Variants in P3H1 observed in about 807,000 individuals in gnomAD.
P3H1 encodes the protein prolyl 3-hydroxylase 1.
In P3H1, 69 loss-of-function variants were observed where a neutral mutation model predicts 84.0. The ratio of observed to expected loss-of-function variants is 0.82; its 90% CI spans 0.68 to 1.00. The LOEUF (loss-of-function observed/expected upper bound fraction) is 1.00, where lower values mean the gene tolerates loss of function less well. P3H1 is among the 50% of genes least tolerant of loss of function. P3H1 has a pLI of 0.00. For synonymous variants in P3H1, 366 were observed against 388.8 expected (o/e 0.94, Z 0.69); for missense variants, 878 against 962.8 (o/e 0.91, Z 1.17).
intron 1 of P3H1, among the ~76,000 whole-genome samples, chr1:42,762,918 CCT>C (rs1248550803): frequency 7.2e-5 from 11 of 151,854 alleles, no homozygotes; most frequent in Non-Finnish European, 1.5e-4. Flanking sequence ...ATGGTGAAAC[CCT>C]GTCTTTACGA....
At position 42,754,695 on chromosome 1, in the gene P3H1, A is replaced by G. The variant is rs1022456033; in HGVS notation, c.1345+174T>C. 3.9e-5 allele frequency among the ~76,000 whole-genome samples: 6 copies of G among 152,092 alleles called. No homozygotes were observed. The highest frequency in any genetic ancestry group is 1.4e-4 in the African/African-American group (6 of 41,410). On this transcript the variant is annotated intron_variant, in intron 8 of 14. Coordinates refer to ENST00000296388, the MANE Select transcript of P3H1 (RefSeq NM_022356.4). This position sits in a 1 kb window ranked among gnomAD's most constrained non-coding sequence, Gnocchi z 4.0. Reference sequence around the variant, plus strand: ...AAGGCTGATTCTCAGTGCTCTTTCCAGCTGAAAGTCCCGCTGGTGAGTTAG... The same window carrying G: ...AAGGCTGATTCTCAGTGCTCTTTCCGGCTGAAAGTCCCGCTGGTGAGTTAG...
chr1:42,749,561 A>G (rs1471731826), intron 11 of P3H1, among the ~76,000 whole-genome samples: 1 of 152,242 alleles, frequency 6.6e-6, no homozygotes, highest in African/African-American at 2.4e-5. Flanking sequence ...AATCTGCCAC[A>G]TAGCTATGGT....
chr1:42,759,362 T>C lies in P3H1; in HGVS notation c.647A>G (p.Tyr216Cys), dbSNP rs544958131. Reference sequence around the variant, plus strand: ...AGCTTCCTGTGGCTGTTCCTCTGAGTAGAGTCGCACTCCCAGTCGAAATTC... The same window carrying C: ...AGCTTCCTGTGGCTGTTCCTCTGAGCAGAGTCGCACTCCCAGTCGAAATTC... Reference protein sequence around the residue: ...MQEFRLGVRLYSEEQPQEAVP... With the variant: ...MQEFRLGVRLCSEEQPQEAVP... Residue 216 changes from tyrosine (Y) to cysteine (C), a missense_variant, in exon 3 of 15, where the codon TAC becomes TGC. Physicochemically the swap from Tyr to Cys is radical, Grantham distance 194. Transcript: ENST00000296388. 8.7e-6 allele frequency: 14 copies of C among 1,614,004 alleles called. No individual in the cohort carries two copies. In the African/African-American group the frequency reaches 1.7e-4, roughly 20 times the overall value.
intron 6 of P3H1, 94 bp from the exon 7 acceptor site, chr1:42,755,311 A>G: frequency 8.1e-7 from 1 of 1,230,344 alleles, no homozygotes; most frequent in Non-Finnish European, 1.2e-6. Flanking sequence ...GGAGTAATCC[A>G]GCTTATCACC....
At chr1:42,752,161 AG>A (rs1652134959) in intron 10 of P3H1, 112 bp downstream of exon 10, 2 of 857,936 alleles carry the variant, frequency 2.3e-6, no homozygotes, top group East Asian at 4.8e-5. Flanking sequence ...GAATGTTGGC[AG>A]GTGGACCCTC....
At chr1:42,747,634 T>TG in intron 13 of P3H1, 89 bp downstream of exon 13, 1 of 1,429,144 alleles carries the variant, frequency 7.0e-7, no homozygotes, top group South Asian at 1.1e-5. Flanking sequence ...GAAGCCCAGT[T>TG]GGTTATTTTT....
rs577059613 is a variant in P3H1, at chr1:42,750,280, C to A, written c.1626G>T (p.Thr542=). ...LQSAHLYYNV[T]EKVRRIMESY... ...ACTCCATGATGCGCCGCACCTTCTC[C>A]GTCACGTTGTAGTACAGGTGGGCAC... The change falls in exon 11 of 15, where the codon ACG becomes ACT. Residue 542 remains threonine, a synonymous_variant. Transcript: ENST00000296388. The A allele has an allele frequency of 6.2e-7, 1 of 1,614,054 alleles. No homozygotes were observed. Among genetic ancestry groups the A allele is most frequent in the South Asian group, 1.1e-5 (1 of 91,038 alleles).
chr1:42,748,121 G>A (rs886448289), intron 12 of P3H1, 79 bp downstream of exon 12: 2 of 1,004,716 alleles, frequency 2.0e-6, no homozygotes, highest in African/African-American at 1.6e-5. Context: ...GTGCTAGGGT[G>A]GGGTAGTAGA....
rs1652175314 is a variant in P3H1 at position 42,752,609 on chromosome 1, A to G, written c.1401T>C (p.Asn467=). Reference sequence around the variant, plus strand: ...CGTCCATCACCACCCGCTGGGAACCATTCAGGAGTTTGGAGTTCATGGTGA... The same window carrying G: ...CGTCCATCACCACCCGCTGGGAACCGTTCAGGAGTTTGGAGTTCATGGTGA... ...ISLTMNSKLL[N]GSQRVVMDGV... The change falls in exon 9 of 15, where the codon AAT becomes AAC. Residue 467 remains asparagine (N), a synonymous_variant. Coordinates refer to ENST00000296388, the MANE Select transcript of P3H1 (RefSeq NM_022356.4). The G allele has an allele frequency of 1.2e-6, 2 of 1,614,086 alleles. No individual in the cohort carries two copies. The highest frequency in any genetic ancestry group is 2.7e-5 in the African/African-American group (2 of 74,922).
In P3H1 at chr1:42,759,313, C is replaced by A; in HGVS notation, c.696G>T (p.Leu232=). 1 of 1,614,178 alleles carries A rather than the reference C, an allele frequency of 6.2e-7. No homozygotes were observed. Among genetic ancestry groups the A allele is most frequent in the Non-Finnish European group, 8.5e-7 (1 of 1,180,026 alleles). Residue 232 remains leucine (L), a synonymous_variant, in exon 3 of 15, where the codon CTG becomes CTT. Transcript: ENST00000296388. ...CCTCATAGGCCACAAAGTATTCTTG[C>A]AGCGCCGCCTCTAGGTGGGGCACAG... ...QEAVPHLEAA[L]QEYFVAYEEC...
chr1:42,753,890 C>A (rs923770560), intron 8 of P3H1, among the ~76,000 whole-genome samples: 2 of 151,336 alleles, frequency 1.3e-5, no homozygotes, highest in African/African-American at 4.9e-5. Context: ...TGCACCACTG[C>A]ACTCCAGCCT....
chr1:42,748,162 G>A, intron 12 of P3H1, 38 bp downstream of exon 12: 1 of 1,451,420 alleles, frequency 6.9e-7, no homozygotes, highest in African/African-American at 1.4e-5. Context: ...TCTGAGGAGG[G>A]CACAGACCTC....
intron 5 of P3H1, among the ~76,000 whole-genome samples, chr1:42,757,489 G>A (rs754884978): frequency 6.6e-6 from 1 of 152,212 alleles, no homozygotes; most frequent in Non-Finnish European, 1.5e-5. Context: ...GTCCAAGTTA[G>A]GGGTGCCAAG....
rs534990573 is a variant in P3H1, at chr1:42,749,380, C to T, written c.1720+806G>A. On this transcript the variant is annotated intron_variant, in intron 11 of 14. Transcript: ENST00000296388. ...GCTGGAGGCTCCAGTATGACAGAGC[C>T]GGCTCTGGGCCACATAGGATCCTTG... Among the ~76,000 whole-genome samples the T allele has an allele frequency of 5.3e-5, 8 of 152,320 alleles. No individual in the cohort carries two copies. In the South Asian group the frequency reaches 1.4e-3, roughly 28 times the overall value.
At chr1:42,755,073 C>T in intron 7 of P3H1, 83 bp from the exon 8 acceptor site, 1 of 1,613,518 alleles carries the variant, frequency 6.2e-7, no homozygotes, top group Non-Finnish European at 8.5e-7. Flanking sequence ...ACCTGCCCAC[C>T]CCTTGCCAGG....
At position 42,752,573 on chromosome 1, in the gene P3H1, A is replaced by G; in HGVS notation, c.1437T>C (p.Ser479=). ...SQRVVMDGVI[S]DHECQELQRL... ...TCTGCAGCTCCTGACACTCGTGGTC[A>G]GAGATTACGCCGTCCATCACCACCC... is the stretch of plus-strand genomic sequence containing the variant. Residue 479 remains serine, a synonymous_variant, in exon 9 of 15, where the codon TCT becomes TCC. Transcript: ENST00000296388. 1 of 1,614,190 alleles carries G rather than the reference A, an allele frequency of 6.2e-7. No homozygotes were observed. The highest frequency in any genetic ancestry group is 1.1e-5 in the South Asian group (1 of 91,078).
At chr1:42,757,071 AATGGCC>A (rs1464923996) in intron 5 of P3H1, among the ~76,000 whole-genome samples, 1 of 152,174 alleles carries the variant, frequency 6.6e-6, no homozygotes, top group Non-Finnish European at 1.5e-5. Flanking sequence ...GACTCCCCTT[AATGGCC>A]ATAAGGAAGG....
intron 1 of P3H1, among the ~76,000 whole-genome samples, chr1:42,764,315 G>A (rs1207235348): frequency 4.0e-5 from 6 of 150,822 alleles, no homozygotes; most frequent in South Asian, 2.1e-4. Flanking sequence ...CCAGCTACTC[G>A]GGAGGCTGAG....
At chr1:42,750,046 G>A (rs1218311403) in intron 11 of P3H1, 140 bp downstream of exon 11, 1 of 1,006,802 alleles carries the variant, frequency 9.9e-7, no homozygotes. Flanking sequence ...GCATCACACT[G>A]GGATGCCACC....
Sources: gnomAD v4.1 joint callset for allele counts (sites outside exome capture counted in the v4.1 genomes callset) on GRCh38, gnomAD v4.1.1 for gene constraint, Gnocchi (gnomAD v3.1) non-coding constraint, MANE v1.5 for transcripts, NCBI Gene and HGNC (gene_info 2026-07-23, HGNC 2026-07-21) for gene names.